The following EHBP1 variants were observed in gnomAD, a reference collection of about 807,000 sequenced individuals.
EHBP1 encodes EH domain-binding protein 1.
Under a neutral mutation model 144.0 loss-of-function variants are expected in EHBP1, and 55 were observed. The observed-to-expected ratio is 0.38, with a 90% CI of 0.31 to 0.48. EHBP1 has a LOEUF of 0.48. EHBP1 is among the 20% of genes least tolerant of loss of function. The probability of loss-of-function intolerance (pLI) is 0.98; values close to 1 mark genes in which losing one functional copy is unlikely to be tolerated. For synonymous variants in EHBP1, 469 were observed against 472.7 expected, an observed-to-expected ratio of 0.99 and a Z score of 0.10; for missense variants, 1,200 against 1,364.2, an observed-to-expected ratio of 0.88 and a Z score of 1.90.
At chr2:62,790,065 A>G (rs1370800537) in intron 5 of EHBP1, among the ~76,000 whole-genome samples, 2 of 152,320 alleles carry the variant, frequency 1.3e-5, no homozygotes, top group African/African-American at 2.4e-5. Flanking sequence ...AGTCTTTGAA[A>G]TAAAGCCCAG....
chr2:62,971,948 C>A (rs555291270), intron 14 of EHBP1, among the ~76,000 whole-genome samples: 1 of 152,188 alleles, frequency 6.6e-6, no homozygotes, highest in East Asian at 1.9e-4. Flanking sequence ...GTCATCAGAC[C>A]CTTTCTCAGA....
chr2:62,843,740 A>G (rs2048090517), intron 7 of EHBP1, among the ~76,000 whole-genome samples: 1 of 152,170 alleles, frequency 6.6e-6, no homozygotes, highest in Non-Finnish European at 1.5e-5. Context: ...TGAGTGAAGT[A>G]GTTTTAGCAA....
rs140973384 is a variant in EHBP1 at position 62,843,312 on chromosome 2, A to G, written c.634+12154A>G. On this transcript the variant is annotated intron_variant, in intron 7 of 22. Coordinates refer to ENST00000431489, the MANE Select transcript of EHBP1 (RefSeq NM_001142616.3). ...CTTATCTTGTTCCATTTGACGTTTA[A>G]TCACATAGTATCTTGTACAGGGTAG... is the stretch of plus-strand genomic sequence containing the variant. Among the ~76,000 whole-genome samples the G allele has an allele frequency of 2.2e-3, 329 of 152,314 alleles. 1 individual carries two copies. Among genetic ancestry groups the G allele is most frequent in the African/African-American group, 7.4e-3 (307 of 41,582 alleles).
upstream of EHBP1, among the ~76,000 whole-genome samples, chr2:62,704,272 AT>A (rs377620583): frequency 2.0e-3 from 305 of 152,292 alleles, 1 homozygote; most frequent in African/African-American, 7.0e-3. Flanking sequence ...TTATTAGATC[AT>A]TTTCTTTATT....
intron 10 of EHBP1, among the ~76,000 whole-genome samples, chr2:62,936,770 T>G (rs1420656368): frequency 6.6e-6 from 1 of 152,176 alleles, no homozygotes; most frequent in African/African-American, 2.4e-5. Flanking sequence ...AGTGAAGTGA[T>G]TTAAATGAAA....
chr2:62,916,436 T>C (rs772609115), intron 10 of EHBP1, among the ~76,000 whole-genome samples: 23 of 151,426 alleles, frequency 1.5e-4, no homozygotes, highest in Non-Finnish European at 1.9e-4. Context: ...TACTAAAAAA[T>C]GCAAAAATTA....
intron 1 of EHBP1, among the ~76,000 whole-genome samples, chr2:62,683,503 C>A (rs2151733231): frequency 6.6e-6 from 1 of 151,708 alleles, no homozygotes; most frequent in East Asian, 1.9e-4. Flanking sequence ...ACTGAAAATA[C>A]AAAAAATTAG....
chr2:63,005,515 T>C (rs550747807), intron 19 of EHBP1, among the ~76,000 whole-genome samples: 44 of 152,220 alleles, frequency 2.9e-4, no homozygotes, highest in African/African-American at 1.0e-3. Context: ...ATATTATTTC[T>C]CCACAATTTT....
At chr2:62,760,255 T>C (rs1299147629) in intron 3 of EHBP1, among the ~76,000 whole-genome samples, 2 of 152,202 alleles carry the variant, frequency 1.3e-5, no homozygotes, top group East Asian at 1.9e-4. Flanking sequence ...GCCCTGACTG[T>C]ACTCATTGTC....
chr2:62,853,733 AAAATTACTCCTTGAACTG>A, intron 7 of EHBP1, among the ~76,000 whole-genome samples: 1 of 152,236 alleles, frequency 6.6e-6, no homozygotes, highest in East Asian at 1.9e-4. Flanking sequence ...CTTGAAAATC[AAAATTACTCCTTGAACTG>A]TGTGCTGCAG....
chr2:62,878,946 A>G (rs1040335736), intron 10 of EHBP1, among the ~76,000 whole-genome samples: 1 of 151,524 alleles, frequency 6.6e-6, no homozygotes, highest in East Asian at 2.0e-4. Flanking sequence ...TGAACCCAGA[A>G]GGTGGAGGTT....
At chr2:62,711,802 A>G (rs576564655) in intron 2 of EHBP1, among the ~76,000 whole-genome samples, 1 of 152,272 alleles carries the variant, frequency 6.6e-6, no homozygotes, top group Admixed American at 6.5e-5. Context: ...GGCTGTGTCA[A>G]ATACTGTTGA....
At chr2:62,982,325 A>G (rs898156389) in intron 15 of EHBP1, among the ~76,000 whole-genome samples, 35 of 152,186 alleles carry the variant, frequency 2.3e-4, no homozygotes, top group Admixed American at 2.1e-3. Flanking sequence ...TGGTAGCCTG[A>G]ACTTCCCTTT....
chr2:62,819,001 G>T (rs1039696423), intron 5 of EHBP1, among the ~76,000 whole-genome samples: 1 of 152,174 alleles, frequency 6.6e-6, no homozygotes. Context: ...CAGAGAATGG[G>T]AAAGGATGCC....
At chr2:62,907,355 C>G (rs892597407) in intron 10 of EHBP1, among the ~76,000 whole-genome samples, 1 of 152,194 alleles carries the variant, frequency 6.6e-6, no homozygotes, top group African/African-American at 2.4e-5. Context: ...TGATATCTCA[C>G]TGTTGCTTTA....
chr2:62,705,985 C>T lies in EHBP1; in HGVS notation c.-363C>T. 6.1e-6 allele frequency: 1 copy of T among 162,696 alleles called. No homozygotes were observed. The highest frequency in any genetic ancestry group is 1.3e-5 in the Non-Finnish European group (1 of 77,660). The allele number at this position is 162,696 out of a possible 1,614,324, so 10.1% of individuals were successfully genotyped here. Reference sequence around the variant, plus strand: ...TCGGTGGCGGCGGCGGCTGCTGCTGCGGCGGCGACGGAGGAGCGGCTATGA... The same window carrying T: ...TCGGTGGCGGCGGCGGCTGCTGCTGTGGCGGCGACGGAGGAGCGGCTATGA... On this transcript the variant is annotated 5_prime_UTR_variant, in exon 1 of 23. Coordinates refer to ENST00000431489, the MANE Select transcript of EHBP1 (RefSeq NM_001142616.3).
At chr2:62,746,671 G>GTA (rs2152141855) in intron 2 of EHBP1, among the ~76,000 whole-genome samples, 1 of 152,084 alleles carries the variant, frequency 6.6e-6, no homozygotes, top group East Asian at 1.9e-4. Context: ...GTCGTTAAAA[G>GTA]GAATGGGAAA....
At chr2:62,865,307 T>G (rs1484272402) in intron 9 of EHBP1, among the ~76,000 whole-genome samples, 3 of 152,224 alleles carry the variant, frequency 2.0e-5, no homozygotes, top group Admixed American at 2.0e-4. Context: ...ACATTAAACT[T>G]CAGTTATCTT....
At chr2:62,971,534 A>G (rs2058495366) in intron 14 of EHBP1, among the ~76,000 whole-genome samples, 1 of 152,218 alleles carries the variant, frequency 6.6e-6, no homozygotes, top group Non-Finnish European at 1.5e-5. Context: ...GTAGGGCCTC[A>G]GAAAATGCTC....
Sources: allele counts gnomAD v4.1 joint callset (sites outside exome capture counted in the v4.1 genomes callset), GRCh38; gene constraint gnomAD v4.1.1; transcripts MANE v1.5; gene names NCBI Gene and HGNC (gene_info 2026-07-23, HGNC 2026-07-21).